RCC1L: variants seen among roughly 807,000 people sequenced by gnomAD.
RCC1L encodes RCC1-like G exchanging factor-like protein.
RCC1L carries 46 observed loss-of-function variants against 58.6 expected under a neutral mutation model. The observed-to-expected ratio is 0.79, with a 90% confidence interval of 0.62 to 1.00. RCC1L has a LOEUF of 1.00. RCC1L is among the 50% of genes least tolerant of loss of function. RCC1L has a pLI of 0.00. For missense variants in RCC1L, 636 were observed against 623.6 expected (o/e 1.02, Z -0.21); for synonymous variants, 281 against 262.9 (o/e 1.07, Z -0.67).
chr7:75,055,947 C>T lies in RCC1L; in HGVS notation c.1185G>A (p.Gln395=). Residue 395 remains glutamine, a synonymous_variant, in exon 9 of 11, where the codon CAG becomes CAA. Transcript: ENST00000610322. The part of the protein sequence containing the change: ...FGLTEFNPEI[Q]VSRIRCGLSH... ...TGAGTCCACATCGGATGCGGGAAAC[C>T]TGGATTTCTGGGTTGAACTCCGTCA... 6.2e-7 allele frequency: 1 copy of T among 1,613,972 alleles called. No homozygotes were observed. Among genetic ancestry groups the T allele is most frequent in the South Asian group, 1.1e-5 (1 of 91,080 alleles).
intron 5 of RCC1L, 137 bp downstream of exon 5, chr7:75,063,155 A>T: frequency 1.0e-6 from 1 of 961,824 alleles, no homozygotes; most frequent in Non-Finnish European, 1.7e-6. Context: ...GGCCTATAGT[A>T]AGTAGGCTAC....
chr7:75,046,714 G>A (rs1805731000), intron 10 of RCC1L, among the ~76,000 whole-genome samples: 1 of 152,244 alleles, frequency 6.6e-6, no homozygotes, highest in Non-Finnish European at 1.5e-5. Context: ...GCTGCTGAGG[G>A]AAACAGTTCC....
At position 75,043,048 on chromosome 7, in the gene RCC1L, G is replaced by T; in HGVS notation, c.1379C>A (p.Ala460Asp). 2 of 1,614,028 alleles carry T rather than the reference G, an allele frequency of 1.2e-6. No individual in the cohort carries two copies. Among genetic ancestry groups the T allele is most frequent in the Non-Finnish European group, 1.7e-6 (2 of 1,179,860 alleles). ...GAGGGAGGTTTAGATGAATGACTTG[G>T]CCAGGGTCACCATGTGGTCCACGCC... is the stretch of plus-strand genomic sequence containing the variant. ...ACGVDHMVTL[A>D]KSFI Residue 460 changes from alanine (A) to aspartate (D), a missense_variant, in exon 11 of 11, where the codon GCC becomes GAC. Transcript: ENST00000610322.
At position 75,042,318 on chromosome 7, in the gene RCC1L, T is replaced by C. The variant is rs1805589368; in HGVS notation, c.*714A>G. The C allele has an allele frequency of 5.1e-6, 5 of 985,536 alleles. No homozygotes were observed. Among genetic ancestry groups the C allele is most frequent in the Admixed American group, 6.1e-5 (1 of 16,296 alleles). The allele number at this position is 985,536 out of a possible 1,614,324, so 61.0% of individuals were successfully genotyped here. Reference sequence around the variant, plus strand: ...TGGATCTTCCTCCTCCGCCTGGCACTGCAGCTGAGCCTTGGCGGATATGCT... The same window carrying C: ...TGGATCTTCCTCCTCCGCCTGGCACCGCAGCTGAGCCTTGGCGGATATGCT... On this transcript the variant is annotated 3_prime_UTR_variant, in exon 11 of 11. Coordinates refer to ENST00000610322, the MANE Select transcript of RCC1L (RefSeq NM_030798.5).
intron 4 of RCC1L, 144 bp from the exon 5 acceptor site, chr7:75,063,487 G>T: frequency 1.1e-6 from 1 of 875,230 alleles, no homozygotes; most frequent in East Asian, 2.5e-5. Flanking sequence ...TCAAATCTTA[G>T]GTCGAGTCAG....
At chr7:75,045,314 G>C (rs1389116539) in intron 10 of RCC1L, among the ~76,000 whole-genome samples, 1 of 151,962 alleles carries the variant, frequency 6.6e-6, no homozygotes, top group African/African-American at 2.4e-5. Flanking sequence ...CAAGTAGCTA[G>C]GACTACTGGC....
At chr7:75,046,479 G>A (rs898434350) in intron 10 of RCC1L, among the ~76,000 whole-genome samples, 1 of 152,180 alleles carries the variant, frequency 6.6e-6, no homozygotes. Context: ...AGGAAGCCAC[G>A]ATGGTCTCTG....
At chr7:75,036,428 C>T (rs1584485696) in intron 10 of RCC1L, among the ~76,000 whole-genome samples, 1 of 151,926 alleles carries the variant, frequency 6.6e-6, no homozygotes, top group East Asian at 1.9e-4. Context: ...TGCCCAAAGT[C>T]CCTCTTATGA....
chr7:75,041,878 AAAAAG>A (rs1805578247), downstream of RCC1L, among the ~76,000 whole-genome samples: 2 of 151,750 alleles, frequency 1.3e-5, no homozygotes, highest in African/African-American at 2.4e-5. Context: ...AAAAAAAAAA[AAAAAG>A]AAAAGAAAAA....
intron 6 of RCC1L, 28 bp downstream of exon 6, chr7:75,061,179 C>T (rs902144433): frequency 8.7e-5 from 138 of 1,588,566 alleles, no homozygotes; most frequent in Non-Finnish European, 1.0e-4. Flanking sequence ...AGAAGTTTCA[C>T]GACCCCAGTG....
At chr7:75,057,034 C>T (rs1209163386) in intron 8 of RCC1L, among the ~76,000 whole-genome samples, 2 of 152,082 alleles carry the variant, frequency 1.3e-5, no homozygotes, top group Non-Finnish European at 2.9e-5. Flanking sequence ...AGTGCAGTGG[C>T]GCAATCTCGG....
chr7:75,038,902 C>T (rs1281499559), downstream of RCC1L, among the ~76,000 whole-genome samples: 2 of 152,206 alleles, frequency 1.3e-5, no homozygotes, highest in African/African-American at 2.4e-5. Flanking sequence ...AGGAATGCCT[C>T]TCCCCAAGGT....
chr7:75,064,762 C>G, intron 3 of RCC1L, 114 bp from the exon 4 acceptor site: 2 of 1,185,776 alleles, frequency 1.7e-6, no homozygotes, highest in Non-Finnish European at 2.5e-6. Flanking sequence ...CCCCACCCCC[C>G]AACTGCCCCT....
Position 75,052,717 on chromosome 7 carries a change from T to G in RCC1L, c.1311A>C (p.Pro437=), listed in dbSNP as rs1047096507. 1.2e-6 allele frequency: 2 copies of G among 1,611,250 alleles called. No individual in the cohort carries two copies. Among genetic ancestry groups the G allele is most frequent in the African/African-American group, 2.7e-5 (2 of 74,902 alleles). Residue 437 remains proline (P), a synonymous_variant, in exon 10 of 11, where the codon CCA becomes CCC. Transcript: ENST00000610322. ...CCTCCCCGGCCAGCCTTACCCTCCA[T>G]GGGAAATACTGGTCCTCCAGGCGAC... ...GIGRLEDQYF[P]WRVTMPGEPV...
chr7:75,039,597 G>A (rs1805502492), downstream of RCC1L, among the ~76,000 whole-genome samples: 3 of 152,188 alleles, frequency 2.0e-5, no homozygotes, highest in East Asian at 3.9e-4. Context: ...CTGGACCTAC[G>A]ACCCCTGCAA....
chr7:75,070,054 G>A (rs587674232), intron 2 of RCC1L, among the ~76,000 whole-genome samples: 11 of 152,212 alleles, frequency 7.2e-5, no homozygotes, highest in East Asian at 1.9e-4. Context: ...AGTACTTCAC[G>A]CTGTCTGTCT....
downstream of RCC1L, among the ~76,000 whole-genome samples, chr7:75,041,670 C>G (rs587769791): frequency 6.6e-6 from 1 of 151,908 alleles, no homozygotes; most frequent in South Asian, 2.1e-4. Flanking sequence ...ACCAGCCTGG[C>G]CAACGTGGTG....
At chr7:75,028,411 G>A (rs1216414586) in intron 10 of RCC1L, among the ~76,000 whole-genome samples, 3 of 152,026 alleles carry the variant, frequency 2.0e-5, no homozygotes, top group Non-Finnish European at 4.4e-5. Flanking sequence ...ATGAGCCACC[G>A]TGCCCGGCCT....
intron 3 of RCC1L, among the ~76,000 whole-genome samples, chr7:75,066,143 A>G (rs1806471587): frequency 6.6e-6 from 1 of 152,104 alleles, no homozygotes; most frequent in African/African-American, 2.4e-5. Flanking sequence ...AGAACCAGAG[A>G]GCAGAGCACA....
Sources: allele counts gnomAD v4.1 joint callset (sites outside exome capture counted in the v4.1 genomes callset), GRCh38; gene constraint gnomAD v4.1.1; transcripts MANE v1.5; gene names NCBI Gene and HGNC (gene_info 2026-07-23, HGNC 2026-07-21).